The following LIX1 variants were observed in gnomAD, a reference collection of about 807,000 sequenced individuals.
The protein encoded by LIX1 is protein limb expression 1 homolog.
A neutral mutation model predicts 33.4 loss-of-function variants in LIX1; 24 were observed. The ratio of observed to expected loss-of-function variants is 0.72; its 90% CI spans 0.52 to 1.01. The LOEUF (loss-of-function observed/expected upper bound fraction) is 1.01. LIX1 is among the 50% of genes least tolerant of loss of function. LIX1 has a pLI of 0.00. For synonymous variants in LIX1, 124 were observed against 124.0 expected (o/e 1.00, Z 0.00); for missense variants, 311 against 339.2 (o/e 0.92, Z 0.65).
chr5:97,117,570 A>G (rs1354983340), intron 2 of LIX1, among the ~76,000 whole-genome samples: 1 of 152,184 alleles, frequency 6.6e-6, no homozygotes, highest in Non-Finnish European at 1.5e-5. Flanking sequence ...TTTTAATTCC[A>G]TGGACTTTGA....
At chr5:97,124,423 A>G in intron 2 of LIX1, 43 bp downstream of exon 2, 2 of 1,532,070 alleles carry the variant, frequency 1.3e-6, no homozygotes, top group Middle Eastern at 3.5e-4. Flanking sequence ...ACTTTATTTT[A>G]GCCCAATGAA....
chr5:97,098,804 C>T lies in LIX1; in HGVS notation c.484-1917G>A, dbSNP rs547675525. On this transcript the variant is annotated intron_variant, in intron 4 of 5. Coordinates refer to ENST00000274382, the MANE Select transcript of LIX1 (RefSeq NM_153234.5). ...GTTCTCTTATGAAAATCAGGAGACT[C>T]ATAGTCAGGTTTTAGGCATCTTAAA... 3.3e-5 allele frequency among the ~76,000 whole-genome samples: 5 copies of T among 152,312 alleles called. No individual in the cohort carries two copies. In the East Asian group the frequency reaches 5.8e-4, roughly 18 times the overall value.
chr5:97,131,268 C>A (rs993627146), intron 1 of LIX1, among the ~76,000 whole-genome samples: 1 of 152,174 alleles, frequency 6.6e-6, no homozygotes, highest in Non-Finnish European at 1.5e-5. Context: ...TACCTTGGTT[C>A]AAGTTCTCCC....
At chr5:97,106,374 A>G (rs1481566923) in intron 3 of LIX1, among the ~76,000 whole-genome samples, 3 of 152,128 alleles carry the variant, frequency 2.0e-5, no homozygotes, top group Non-Finnish European at 2.9e-5. Context: ...CTCCTTCCTT[A>G]TCTCTCCTTT....
chr5:97,097,840 A>G (rs2112748221), intron 4 of LIX1, among the ~76,000 whole-genome samples: 1 of 152,310 alleles, frequency 6.6e-6, no homozygotes, highest in Admixed American at 6.5e-5. Flanking sequence ...CTTCCTAGAA[A>G]TCAGGACAAA....
intron 1 of LIX1, 93 bp downstream of exon 1, chr5:97,142,402 G>T: frequency 2.3e-6 from 2 of 854,318 alleles, no homozygotes; most frequent in East Asian, 2.5e-5. Context: ...CGACTGCAGA[G>T]ATTTAGGAGA....
intron 1 of LIX1, among the ~76,000 whole-genome samples, chr5:97,136,753 A>C (rs958385895): frequency 4.6e-5 from 7 of 152,222 alleles, no homozygotes; most frequent in Admixed American, 2.6e-4. Flanking sequence ...GGAAAAAAAA[A>C]CCGAAACCAT....
intron 1 of LIX1, among the ~76,000 whole-genome samples, chr5:97,133,215 A>C (rs1748098732): frequency 6.6e-6 from 1 of 152,240 alleles, no homozygotes; most frequent in Non-Finnish European, 1.5e-5. Context: ...TTTTATCAAC[A>C]GACAGGAAGT....
intron 1 of LIX1, among the ~76,000 whole-genome samples, chr5:97,142,113 A>G (rs1748303410): frequency 6.6e-6 from 1 of 152,244 alleles, no homozygotes; most frequent in Admixed American, 6.5e-5. Context: ...TGTGTTGTGG[A>G]GTATTAAACA....
At chr5:97,117,520 C>A (rs897036162) in intron 2 of LIX1, among the ~76,000 whole-genome samples, 2 of 152,164 alleles carry the variant, frequency 1.3e-5, no homozygotes, top group African/African-American at 4.8e-5. Flanking sequence ...CTGGGAAAAA[C>A]TTAATTTTAT....
chr5:97,125,992 AGTTTG>A (rs1747908426), intron 1 of LIX1, among the ~76,000 whole-genome samples: 1 of 152,206 alleles, frequency 6.6e-6, no homozygotes, highest in Non-Finnish European at 1.5e-5. Flanking sequence ...TTGACAACAT[AGTTTG>A]AGCTCCTGGT....
At chr5:97,103,288 C>T (rs1457256784) in intron 4 of LIX1, among the ~76,000 whole-genome samples, 1 of 152,194 alleles carries the variant, frequency 6.6e-6, no homozygotes, top group Non-Finnish European at 1.5e-5. Flanking sequence ...ACAGAGTTGT[C>T]AACGGAATCC....
intron 4 of LIX1, chr5:97,102,225 A>T (rs915069332): frequency 6.9e-6 from 1 of 144,950 alleles, no homozygotes; most frequent in African/African-American, 2.5e-5. Context: ...TGGAGACACC[A>T]GCTTGTTTTT....
rs191652852 is a variant in LIX1 at position 97,099,815 on chromosome 5, C to G, written c.484-2928G>C. On this transcript the variant is annotated intron_variant, in intron 4 of 5. Transcript: ENST00000274382. ...TCGCGATACCACACTCCAGCCTCGGCAAGTGAGTGAGACTCCATCACAAAA... is the reference window on the plus strand; with the variant it reads ...TCGCGATACCACACTCCAGCCTCGGGAAGTGAGTGAGACTCCATCACAAAA... 9.3e-3 allele frequency among the ~76,000 whole-genome samples: 1,414 copies of G among 152,248 alleles called. 28 individuals carry two copies. The highest frequency in any genetic ancestry group is 0.033 in the African/African-American group (1,352 of 41,532).
At chr5:97,109,761 A>C (rs1478014899) in intron 2 of LIX1, among the ~76,000 whole-genome samples, 1 of 150,290 alleles carries the variant, frequency 6.7e-6, no homozygotes, top group Non-Finnish European at 1.5e-5. Context: ...TTCTCCCCCA[A>C]GTGCCCAAAG....
chr5:97,124,454 G>A lies in LIX1; in HGVS notation c.246+12C>T, dbSNP rs767784126. 3.2e-5 allele frequency: 51 copies of A among 1,578,870 alleles called. No homozygotes were observed. The highest frequency in any genetic ancestry group is 4.3e-5 in the Non-Finnish European group (50 of 1,159,934). On this transcript the variant is annotated intron_variant, in intron 2 of 5. Transcript: ENST00000274382. ...ATGAACTTTCACTGACAAATTAATG[G>A]CTACTTCTTACCTGAAAGTTGCCAA...
rs932676881 is a variant in LIX1 at position 97,124,495 on chromosome 5, G to A, written c.217C>T (p.Pro73Ser). 1.2e-6 allele frequency: 2 copies of A among 1,607,330 alleles called. No individual in the cohort carries two copies. Among genetic ancestry groups the A allele is most frequent in the Non-Finnish European group, 1.7e-6 (2 of 1,176,116 alleles). ...GPPFVSYVTL[P>S]GGSCFGNFQC... is the part of the protein sequence containing the mutation. Reference sequence around the variant, plus strand: ...AAGTTGCCAAAACAGCTTCCCCCTGGGAGGGTCACGTAACTCACAAAGGGA... The same window carrying A: ...AAGTTGCCAAAACAGCTTCCCCCTGAGAGGGTCACGTAACTCACAAAGGGA... Residue 73 changes from proline to serine, a missense_variant, in exon 2 of 6, where the codon CCA becomes TCA. Transcript: ENST00000274382.
At chr5:97,103,200 C>A (rs191520022) in intron 4 of LIX1, 1 of 383,412 alleles carries the variant, frequency 2.6e-6, no homozygotes, top group African/African-American at 2.2e-5. Context: ...AAAAAAAGGA[C>A]CTTTTACAGA....
intron 2 of LIX1, among the ~76,000 whole-genome samples, chr5:97,113,780 A>G (rs965398531): frequency 2.0e-5 from 3 of 152,224 alleles, no homozygotes; most frequent in Non-Finnish European, 4.4e-5. Flanking sequence ...AAATCAGTAC[A>G]GTATTTTAGA....
Sources: allele counts gnomAD v4.1 joint callset (sites outside exome capture counted in the v4.1 genomes callset), GRCh38; gene constraint gnomAD v4.1.1; transcripts MANE v1.5; gene names NCBI Gene and HGNC (gene_info 2026-07-23, HGNC 2026-07-21).